The following METAP2 variants were observed in gnomAD, a reference collection of about 807,000 sequenced individuals.
METAP2 encodes the protein methionine aminopeptidase 2.
A neutral mutation model predicts 59.4 loss-of-function variants in METAP2; 25 were observed. The observed-to-expected ratio is 0.42, with a 90% confidence interval of 0.31 to 0.59. The LOEUF is 0.59. Among genes scored for constraint, METAP2 ranks in the 20% least tolerant of loss-of-function variants. The probability of loss-of-function intolerance (pLI) is 0.16; values close to 1 mark genes in which losing one functional copy is unlikely to be tolerated. For missense variants in METAP2, 366 were observed against 581.2 expected (o/e 0.63, Z 3.81); for synonymous variants, 214 against 194.1 (o/e 1.10, Z -0.85).
At chr12:95,481,830 T>C (rs1438980237) in intron 2 of METAP2, among the ~76,000 whole-genome samples, 1 of 152,222 alleles carries the variant, frequency 6.6e-6, no homozygotes, top group Non-Finnish European at 1.5e-5. Context: ...CTAGGTATAG[T>C]GCTACATACA....
In METAP2 at chr12:95,506,389, C is replaced by T. The variant is rs533993430; in HGVS notation, c.964+2228C>T. Reference sequence around the variant, plus strand: ...TTGGTTCACGGCAACCTCCGCTTCCCGGGTTCAAGCGATTCTTCTGCCTCA... The same window carrying T: ...TTGGTTCACGGCAACCTCCGCTTCCTGGGTTCAAGCGATTCTTCTGCCTCA... On this transcript the variant is annotated intron_variant, in intron 8 of 10. Transcript: ENST00000323666. Among the ~76,000 whole-genome samples the T allele has an allele frequency of 8.6e-5, 13 of 151,134 alleles. No individual in the cohort carries two copies. The South Asian group carries it at 1.0e-3, about 12-fold the overall frequency.
At chr12:95,494,437 C>T (rs1429346024) in intron 5 of METAP2, among the ~76,000 whole-genome samples, 1 of 152,174 alleles carries the variant, frequency 6.6e-6, no homozygotes, top group Non-Finnish European at 1.5e-5. Context: ...GTAGTCATTA[C>T]TGATTGTTAT....
chr12:95,510,335 T>C (rs550963568), intron 8 of METAP2, among the ~76,000 whole-genome samples: 97 of 152,298 alleles, frequency 6.4e-4, no homozygotes, highest in African/African-American at 2.3e-3. Context: ...AGGTAATTTA[T>C]AAAGAACAGA....
intron 7 of METAP2, among the ~76,000 whole-genome samples, chr12:95,502,129 A>C (rs541905014): frequency 7.9e-5 from 12 of 151,908 alleles, no homozygotes; most frequent in African/African-American, 2.9e-4. Flanking sequence ...CAGTTCTCCA[A>C]GTAGCTGGGA....
intron 4 of METAP2, among the ~76,000 whole-genome samples, chr12:95,493,132 G>T (rs1324130380): frequency 6.6e-6 from 1 of 151,976 alleles, no homozygotes; most frequent in Non-Finnish European, 1.5e-5. Flanking sequence ...TTTTAAGGCA[G>T]TTAATGTTTT....
At chr12:95,509,840 C>T (rs1427296468) in intron 8 of METAP2, among the ~76,000 whole-genome samples, 1 of 149,020 alleles carries the variant, frequency 6.7e-6, no homozygotes, top group Non-Finnish European at 1.5e-5. Context: ...AAGACCTCCC[C>T]CCCAACCTTT....
rs59264250 is a variant in METAP2 at position 95,481,784 on chromosome 12, A to G, written c.260-1431A>G. Among the ~76,000 whole-genome samples, 836 of 152,340 alleles carry G rather than the reference A, an allele frequency of 5.5e-3. 10 individuals are homozygous for G. The highest frequency in any genetic ancestry group is 0.019 in the African/African-American group (801 of 41,570). ...AGTATATGTTTAAAATTGGTGATGT[A>G]TCTTCAAGTATTTGTTTTAGGTTGT... On this transcript the variant is annotated intron_variant, in intron 2 of 10. Transcript: ENST00000323666.
At chr12:95,488,674 G>C (rs981773546) in intron 4 of METAP2, among the ~76,000 whole-genome samples, 2 of 152,074 alleles carry the variant, frequency 1.3e-5, no homozygotes, top group African/African-American at 4.8e-5. Context: ...TGCAGAGTCA[G>C]TTTATTGTCT....
Position 95,474,177 on chromosome 12 carries a change from A to G in METAP2, c.-3A>G, listed in dbSNP as rs773221070. ...CTCATTCCCTCGCGCTCTCTCGGGC[A>G]ACATGGCGGGTGTGGAGGAGGTAGC... On this transcript the variant is annotated 5_prime_UTR_variant, in exon 1 of 11. Coordinates refer to ENST00000323666, the MANE Select transcript of METAP2 (RefSeq NM_006838.4). 2 of 1,613,738 alleles carry G rather than the reference A, an allele frequency of 1.2e-6. No individual in the cohort carries two copies. Among genetic ancestry groups the G allele is most frequent in the Non-Finnish European group, 8.5e-7 (1 of 1,179,850 alleles).
chr12:95,479,613 C>CTT (rs58065707), intron 2 of METAP2, among the ~76,000 whole-genome samples: 7 of 143,138 alleles, frequency 4.9e-5, no homozygotes, highest in Admixed American at 2.8e-4. Flanking sequence ...AGTCACCACT[C>CTT]TTTTTTTTTT....
At chr12:95,481,109 T>G (rs140807770) in intron 2 of METAP2, among the ~76,000 whole-genome samples, 186 of 152,342 alleles carry the variant, frequency 1.2e-3, no homozygotes, top group Non-Finnish European at 1.6e-3. Context: ...TCAACTGATT[T>G]GGGCATAGTA....
At position 95,504,154 on chromosome 12, in the gene METAP2, A is replaced by G. The variant is rs745357055; in HGVS notation, c.957A>G (p.Thr319=). ...ATGAAGTTGAAATAGATGGGAAGACATATCAAGGTATGTTCTTTTAAAATA... is the reference window on the plus strand; with the variant it reads ...ATGAAGTTGAAATAGATGGGAAGACGTATCAAGGTATGTTCTTTTAAAATA... ...ESYEVEIDGK[T]YQVKPIRNLN... is the part of the protein sequence containing the mutation. Residue 319 remains threonine, a synonymous_variant, in exon 8 of 11, where the codon ACA becomes ACG. Coordinates refer to ENST00000323666, the MANE Select transcript of METAP2 (RefSeq NM_006838.4). 6.3e-7 allele frequency: 1 copy of G among 1,587,690 alleles called. No homozygotes were observed. The highest frequency in any genetic ancestry group is 8.6e-7 in the Non-Finnish European group (1 of 1,157,256).
At chr12:95,481,154 C>A (rs1192879199) in intron 2 of METAP2, among the ~76,000 whole-genome samples, 1 of 152,174 alleles carries the variant, frequency 6.6e-6, no homozygotes, top group African/African-American at 2.4e-5. Context: ...CTCTGCTGGC[C>A]AGGCCTGGTG....
chr12:95,490,514 G>A (rs912237242), intron 4 of METAP2, among the ~76,000 whole-genome samples: 1 of 149,366 alleles, frequency 6.7e-6, no homozygotes, highest in African/African-American at 2.5e-5. Flanking sequence ...TGTTTTGAGT[G>A]TATCCAGATG....
chr12:95,513,090 T>TACACACACACACACACACACAC (rs60788079), intron 10 of METAP2, among the ~76,000 whole-genome samples, 174 bp downstream of exon 10: 25 of 136,180 alleles, frequency 1.8e-4, no homozygotes, highest in Admixed American at 1.6e-3. Flanking sequence ...AGATAAAAAT[T>TACACACACACACACACACACAC]ACACACACAC....
At chr12:95,493,969 G>A in intron 4 of METAP2, 87 bp from the exon 5 acceptor site, 1 of 1,131,170 alleles carries the variant, frequency 8.8e-7, no homozygotes, top group South Asian at 1.6e-5. Flanking sequence ...ATTTTTATTT[G>A]AACTGTCTTG....
intron 4 of METAP2, among the ~76,000 whole-genome samples, chr12:95,491,048 GT>G (rs2076234106): frequency 6.8e-6 from 1 of 146,368 alleles, no homozygotes; most frequent in African/African-American, 2.5e-5. Flanking sequence ...TAGTTTTATT[GT>G]GTTTGACCTC....
rs759768309 is a variant in METAP2 at position 95,485,869 on chromosome 12, T to G, written c.326-10T>G. ...ACTACAGAAGTTAATGCTTTATTTGTATCTCACAGCAAAAGTTCAAACAGA... is the reference window on the plus strand; with the variant it reads ...ACTACAGAAGTTAATGCTTTATTTGGATCTCACAGCAAAAGTTCAAACAGA... On this transcript the variant is annotated splice_polypyrimidine_tract_variant and intron_variant, in intron 3 of 10. Transcript: ENST00000323666. The G allele has an allele frequency of 6.7e-7, 1 of 1,500,812 alleles. No individual in the cohort carries two copies. The highest frequency in any genetic ancestry group is 2.3e-5 in the Admixed American group (1 of 43,746). 93.0% of individuals were successfully genotyped at this position (1,500,812 alleles called of 1,614,324 possible). A position where few individuals can be genotyped will look rare whatever the true frequency, so the allele number is the denominator to read the frequency against.
chr12:95,512,264 G>A (rs749255131), intron 9 of METAP2, among the ~76,000 whole-genome samples: 16 of 152,168 alleles, frequency 1.1e-4, no homozygotes, highest in Non-Finnish European at 1.9e-4. Context: ...TCTCTTTATA[G>A]TAGGCTCTAG....
Sources: gnomAD v4.1 joint callset for allele counts (sites outside exome capture counted in the v4.1 genomes callset) on GRCh38, gnomAD v4.1.1 for gene constraint, MANE v1.5 for transcripts, NCBI Gene and HGNC (gene_info 2026-07-23, HGNC 2026-07-21) for gene names.